Variants in STN1 observed in about 807,000 individuals in gnomAD.
The protein encoded by STN1 is CST complex subunit STN1.
In STN1, 29 loss-of-function variants were observed where a neutral mutation model predicts 45.5. That is an observed-to-expected ratio of 0.64 (90% CI 0.47 to 0.87). The LOEUF is 0.87. STN1 is among the 40% of genes least tolerant of loss of function. STN1 has a pLI of 0.00. For synonymous variants in STN1, 148 were observed against 159.0 expected (o/e 0.93, Z 0.52); for missense variants, 376 against 441.4 (o/e 0.85, Z 1.33).
At chr10:103,887,646 T>G (rs553800294) in intron 9 of STN1, among the ~76,000 whole-genome samples, 1 of 151,998 alleles carries the variant, frequency 6.6e-6, no homozygotes, top group South Asian at 2.1e-4. Context: ...CTCCTGGGAG[T>G]GTAGTAGTGC....
intron 7 of STN1, among the ~76,000 whole-genome samples, 191 bp from the exon 8 acceptor site, chr10:103,892,443 T>C (rs530361401): frequency 6.7e-4 from 102 of 151,826 alleles, no homozygotes; most frequent in African/African-American, 2.3e-3. Flanking sequence ...CCCCGGCAGG[T>C]CACCTTTCAT....
At chr10:103,913,790 T>C (rs1285060221) in intron 2 of STN1, among the ~76,000 whole-genome samples, 1 of 151,962 alleles carries the variant, frequency 6.6e-6, no homozygotes, top group Non-Finnish European at 1.5e-5. Flanking sequence ...TGGTAACAAA[T>C]ACTAGATAAC....
intron 9 of STN1, 97 bp from the exon 10 acceptor site, chr10:103,882,938 C>T: frequency 8.4e-7 from 1 of 1,188,432 alleles, no homozygotes; most frequent in Non-Finnish European, 1.2e-6. Flanking sequence ...CTGACCAGAT[C>T]CCCAGATGAT....
At chr10:103,917,894 G>A (rs575395647) in intron 1 of STN1, among the ~76,000 whole-genome samples, 73 of 152,316 alleles carry the variant, frequency 4.8e-4, no homozygotes, top group African/African-American at 1.7e-3. Flanking sequence ...CTTCGGAACG[G>A]CTAAACATCA....
At position 103,917,555 on chromosome 10, in the gene STN1, A is replaced by T; in HGVS notation, c.40T>A (p.Ser14Thr). Residue 14 changes from serine (S) to threonine (T), a missense_variant, in exon 2 of 10, where the codon TCC (serine) becomes ACC (threonine). Ser to Thr is a moderately conservative substitution (Grantham distance 58). Coordinates refer to ENST00000224950, the MANE Select transcript of STN1 (RefSeq NM_024928.5). ...GSSRCEEETP[S>T]LLWGLDPVFL... ...ACAGGATCCAAACCCCACAAGAGGG[A>T]AGGGGTCTCCTCTTCACACCGGCTG... The T allele has an allele frequency of 6.2e-7, 1 of 1,614,044 alleles. No homozygotes were observed. Among genetic ancestry groups the T allele is most frequent in the Non-Finnish European group, 8.5e-7 (1 of 1,179,904 alleles).
At chr10:103,902,821 T>C (rs899122857) in intron 4 of STN1, among the ~76,000 whole-genome samples, 1 of 152,186 alleles carries the variant, frequency 6.6e-6, no homozygotes, top group South Asian at 2.1e-4. Context: ...TTGGGAACAA[T>C]TTAAAGACGA....
chr10:103,909,404 AT>A (rs1843268284), intron 3 of STN1, among the ~76,000 whole-genome samples: 1 of 67,098 alleles, frequency 1.5e-5, no homozygotes, highest in Non-Finnish European at 3.0e-5. Context: ...ATATGTATAT[AT>A]ATGTATATAT....
intron 5 of STN1, among the ~76,000 whole-genome samples, chr10:103,899,591 G>C (rs1311306198): frequency 1.3e-5 from 2 of 150,400 alleles, no homozygotes; most frequent in Non-Finnish European, 1.5e-5. Context: ...GAAGGCTGAG[G>C]TGGGAGAATC....
intron 3 of STN1, among the ~76,000 whole-genome samples, 156 bp downstream of exon 3, chr10:103,910,371 G>A (rs1477240445): frequency 4.5e-4 from 68 of 150,898 alleles, no homozygotes; most frequent in Non-Finnish European, 2.2e-4. Context: ...TTCTTAGCCC[G>A]TGTCTGGGGC....
intron 9 of STN1, among the ~76,000 whole-genome samples, chr10:103,885,273 G>C (rs1413750357): frequency 6.6e-6 from 1 of 152,190 alleles, no homozygotes; most frequent in Non-Finnish European, 1.5e-5. Context: ...AGCAAGCAAG[G>C]ATAGGTTTGA....
chr10:103,910,651 T>G, intron 2 of STN1, 29 bp from the exon 3 acceptor site: 1,532 of 1,055,178 alleles, frequency 1.5e-3, no homozygotes, highest in Non-Finnish European at 2.0e-3. Flanking sequence ...AAAGTCGACA[T>G]AATGTATGAT....
rs1426222232 is a variant in STN1 at position 103,878,653 on chromosome 10, G to A, written c.*4031C>T. The stretch of plus-strand genomic sequence containing the variant: ...AAATGCCAAAGGATAGCTATGTGGG[G>A]TAAAAAGCACCTGAGATCTCACCAT... On this transcript the variant is annotated 3_prime_UTR_variant, in exon 10 of 10. Coordinates refer to ENST00000224950, the MANE Select transcript of STN1 (RefSeq NM_024928.5). The A allele has an allele frequency of 6.6e-6, 1 of 152,212 alleles. No individual in the cohort carries two copies. The highest frequency in any genetic ancestry group is 1.5e-5 in the Non-Finnish European group (1 of 68,046). 9.4% of individuals were successfully genotyped at this position (152,212 alleles called of 1,614,324 possible). A position where few individuals can be genotyped will look rare whatever the true frequency, so the allele number is the denominator to read the frequency against.
rs1348793766 is a variant in STN1, at chr10:103,880,841, G to A, written c.*1843C>T. On this transcript the variant is annotated 3_prime_UTR_variant, in exon 10 of 10. Transcript: ENST00000224950. The stretch of plus-strand genomic sequence containing the variant: ...GAGCTTGGTGTCCTGAAAGCCAAAC[G>A]CGGAAAGTACTTCCAGGAGAAGGGA... Among the ~76,000 whole-genome samples the A allele has an allele frequency of 6.6e-5, 10 of 152,164 alleles. 1 individual carries two copies. The highest frequency in any genetic ancestry group is 2.9e-5 in the Non-Finnish European group (2 of 68,030).
rs117566836 is a variant in STN1, at chr10:103,881,154, T to C, written c.*1530A>G. 6.6e-5 allele frequency among the ~76,000 whole-genome samples: 10 copies of C among 152,288 alleles called. No individual in the cohort carries two copies. Among genetic ancestry groups the C allele is most frequent in the Non-Finnish European group, 1.5e-4 (10 of 68,018 alleles). On this transcript the variant is annotated 3_prime_UTR_variant, in exon 10 of 10. Transcript: ENST00000224950. ...CCGTAATTAACTTTTTCCCTATAGG[T>C]ATTTTCCCCAATATAGAATTCTAGA... is the stretch of plus-strand genomic sequence containing the variant.
chr10:103,884,277 G>A (rs995512794), intron 9 of STN1, among the ~76,000 whole-genome samples: 1 of 151,914 alleles, frequency 6.6e-6, no homozygotes, highest in Non-Finnish European at 1.5e-5. Context: ...CAAACTGGGG[G>A]TTGTGCCTAT....
chr10:103,909,353 T>TA (rs1843265202), intron 3 of STN1, among the ~76,000 whole-genome samples: 1 of 105,460 alleles, frequency 9.5e-6, no homozygotes, highest in Non-Finnish European at 2.0e-5. Flanking sequence ...CTTTTCAGAA[T>TA]CAAAAAAAAA....
chr10:103,882,867 G>C, intron 9 of STN1, 26 bp from the exon 10 acceptor site: 1 of 1,598,462 alleles, frequency 6.3e-7, no homozygotes, highest in East Asian at 2.2e-5. Flanking sequence ...AGGTGGCTGA[G>C]TGTGGACACA....
intron 7 of STN1, among the ~76,000 whole-genome samples, chr10:103,897,010 C>A (rs1843175253): frequency 6.6e-6 from 1 of 152,098 alleles, no homozygotes; most frequent in Non-Finnish European, 1.5e-5. Flanking sequence ...ATGATTTATT[C>A]ATCAGCAAAA....
intron 2 of STN1, among the ~76,000 whole-genome samples, 170 bp downstream of exon 2, chr10:103,917,292 G>GTT (rs146664445): frequency 7.3e-6 from 1 of 136,580 alleles, no homozygotes; most frequent in South Asian, 2.5e-4. Flanking sequence ...GATTTAGACT[G>GTT]TTTTTTTTAC....
Sources: allele counts gnomAD v4.1 joint callset (sites outside exome capture counted in the v4.1 genomes callset), GRCh38; gene constraint gnomAD v4.1.1; transcripts MANE v1.5; gene names NCBI Gene and HGNC (gene_info 2026-07-23, HGNC 2026-07-21).